Variants in F8 observed in about 807,000 individuals in gnomAD.
F8 encodes the protein coagulation factor VIII, also known as antihemophilic factor.
In F8, 12 loss-of-function variants were observed where a neutral mutation model predicts 140.6. The observed-to-expected ratio is 0.09, with a 90% CI of 0.05 to 0.14. The LOEUF is 0.14. F8 is among the 10% of genes least tolerant of loss of function. The pLI, the probability that F8 is intolerant of heterozygous loss-of-function variation, is 1.00. For missense variants in F8, 1,354 were observed against 1,720.7 expected (o/e 0.79, Z 3.77); for synonymous variants, 585 against 614.6 (o/e 0.95, Z 0.71).
chrX:154,943,158 T>G (rs782266657), intron 13 of F8, among the ~76,000 whole-genome samples: 3 of 111,798 alleles, frequency 2.7e-5, no homozygotes, highest in Non-Finnish European at 5.6e-5. Context: ...GTGTTGGAAG[T>G]TCTGGCCAGG....
intron 1 of F8, 114 bp downstream of exon 1, chrX:155,022,296 T>C: frequency 1.3e-6 from 1 of 793,071 alleles, no homozygotes; most frequent in South Asian, 2.1e-5. Flanking sequence ...AAATGTTTCT[T>C]TGGGGCCCAG....
At chrX:154,981,209 T>G (rs1276809228) in intron 6 of F8, among the ~76,000 whole-genome samples, 1 of 111,164 alleles carries the variant, frequency 9.0e-6, no homozygotes, top group Non-Finnish European at 1.9e-5. Context: ...CCCCTTTATG[T>G]GCAACTATGG....
At chrX:154,940,469 AG>A (rs2073254614) in intron 13 of F8, among the ~76,000 whole-genome samples, 1 of 112,189 alleles carries the variant, frequency 8.9e-6, no homozygotes, top group African/African-American at 3.2e-5. Context: ...TAGAGAAAAA[AG>A]AATAAAAAGA....
chrX:154,968,607 A>C (rs2073437921), intron 7 of F8, among the ~76,000 whole-genome samples: 1 of 112,244 alleles, frequency 8.9e-6, no homozygotes, highest in Non-Finnish European at 1.9e-5. Flanking sequence ...AGTTACAAAT[A>C]AAGTTACATT....
intron 20 of F8, among the ~76,000 whole-genome samples, chrX:154,900,336 C>G (rs1473299139): frequency 9.0e-6 from 1 of 110,728 alleles, no homozygotes; most frequent in Non-Finnish European, 1.9e-5. Flanking sequence ...TGAGTTCAAG[C>G]AATTCTCCTG....
rs1338786320 is a variant in F8, at chrX:154,972,704, TTTC to T, written c.788-3155_788-3153del. 4.7e-3 allele frequency among the ~76,000 whole-genome samples: 405 copies of T among 86,507 alleles called. 7 individuals are homozygous for T. Among genetic ancestry groups the T allele is most frequent in the African/African-American group, 0.015 (292 of 19,079 alleles). 75.1% of individuals were successfully genotyped at this position (86,507 alleles called of 115,157 possible). ...ATTGTTCTTTTCTTTTCTTTCTGTC[TTTC>T]TTTTTTTTTTTTTTTTTTTTTTTTT... On this transcript the variant is annotated intron_variant, in intron 6 of 25. Transcript: ENST00000360256.
intron 13 of F8, among the ~76,000 whole-genome samples, chrX:154,947,021 C>T (rs1266101310): frequency 2.8e-5 from 3 of 107,716 alleles, no homozygotes; most frequent in Non-Finnish European, 5.8e-5. Flanking sequence ...GTCAGGAAAT[C>T]GAGACCATCC....
intron 13 of F8, among the ~76,000 whole-genome samples, chrX:154,944,699 T>C (rs1315432427): frequency 1.8e-5 from 2 of 111,567 alleles, no homozygotes; most frequent in African/African-American, 3.3e-5. Flanking sequence ...TAAATCATGC[T>C]GCTATAGAGA....
At chrX:154,979,048 G>A (rs1393378308) in intron 6 of F8, among the ~76,000 whole-genome samples, 1 of 111,499 alleles carries the variant, frequency 9.0e-6, no homozygotes, top group Non-Finnish European at 1.9e-5. Context: ...GGTCCAGGCA[G>A]GTTGATTTGT....
intron 14 of F8, among the ~76,000 whole-genome samples, chrX:154,913,051 C>A (rs1482981899): frequency 9.0e-6 from 1 of 110,545 alleles, no homozygotes; most frequent in Non-Finnish European, 1.9e-5. Flanking sequence ...ATTGCCCTTG[C>A]CCACAATTCC....
chrX:154,949,774 C>CT (rs76555470), intron 12 of F8, among the ~76,000 whole-genome samples: 15 of 102,977 alleles, frequency 1.5e-4, no homozygotes, highest in African/African-American at 1.4e-4. Flanking sequence ...ATTTCCTCTT[C>CT]TTTTTTTTTT....
intron 15 of F8, among the ~76,000 whole-genome samples, chrX:154,905,607 A>T (rs2073034215): frequency 8.9e-6 from 1 of 111,797 alleles, no homozygotes; most frequent in Non-Finnish European, 1.9e-5. Context: ...CAATGCACCA[A>T]AATAACTTTT....
intron 13 of F8, among the ~76,000 whole-genome samples, chrX:154,939,493 T>A (rs2073244989): frequency 8.9e-6 from 1 of 112,456 alleles, no homozygotes; most frequent in Non-Finnish European, 1.9e-5. Flanking sequence ...TGCTCAGGCT[T>A]GAGTAGGTAA....
chrX:155,013,142 T>C (rs1603437435), intron 1 of F8, among the ~76,000 whole-genome samples: 1 of 63,566 alleles, frequency 1.6e-5, no homozygotes, highest in South Asian at 1.0e-3. Flanking sequence ...CGAGACTCCG[T>C]CTCAAAAAAA....
At chrX:154,986,772 G>T (rs2073560847) in intron 5 of F8, among the ~76,000 whole-genome samples, 1 of 111,331 alleles carries the variant, frequency 9.0e-6, no homozygotes, top group African/African-American at 3.3e-5. Flanking sequence ...GGAGGAGGAG[G>T]AAGAGGCGGA....
rs199739211 is a variant in F8, at chrX:154,875,774, T to G, written c.6430-12547A>C. 5.1e-3 allele frequency among the ~76,000 whole-genome samples: 483 copies of G among 95,614 alleles called. 4 individuals carry two copies. Among genetic ancestry groups the G allele is most frequent in the African/African-American group, 0.017 (424 of 24,625 alleles). The allele number at this position is 95,614 out of a possible 115,157, so 83.0% of individuals were successfully genotyped here. A position where few individuals can be genotyped will look rare whatever the true frequency, so the allele number is the denominator to read the frequency against. ...GTGTGTGTGTGTGTGTGTGTGTGTGTAGAGAGAGAGAGAGTCTATAATGTG... is the reference window on the plus strand; with the variant it reads ...GTGTGTGTGTGTGTGTGTGTGTGTGGAGAGAGAGAGAGAGTCTATAATGTG... On this transcript the variant is annotated intron_variant, in intron 22 of 25. Transcript: ENST00000360256.
rs782606425 is a variant in F8, at chrX:154,982,464, A to AAT, written c.787+2221_787+2222dup. ...CCGTCTCAAAAAAAAAAAAAAAAAA[A>AAT]ATATATATATATATGTATACACACT... On this transcript the variant is annotated intron_variant, in intron 6 of 25. Coordinates refer to ENST00000360256, the MANE Select transcript of F8 (RefSeq NM_000132.4). Among the ~76,000 whole-genome samples, 431 of 83,183 alleles carry AAT rather than the reference A, an allele frequency of 5.2e-3. 10 individuals carry two copies. Among genetic ancestry groups the AAT allele is most frequent in the East Asian group, 0.016 (44 of 2,750 alleles). The allele number at this position is 83,183 out of a possible 115,157, so 72.2% of individuals were successfully genotyped here.
At chrX:154,880,322 CT>C (rs1256540330) in intron 22 of F8, among the ~76,000 whole-genome samples, 3 of 109,324 alleles carry the variant, frequency 2.7e-5, no homozygotes, top group Admixed American at 1.9e-4. Flanking sequence ...ACTGACCTTC[CT>C]TTTTTTTTCA....
At chrX:154,966,768 A>C in intron 7 of F8, 81 bp from the exon 8 acceptor site, 2 of 1,093,597 alleles carry the variant, frequency 1.8e-6, no homozygotes, top group African/African-American at 3.6e-5. Context: ...TAATTTATAA[A>C]GAAAAGAGAT....
Sources: gnomAD v4.1 joint callset for allele counts (sites outside exome capture counted in the v4.1 genomes callset) on GRCh38, gnomAD v4.1.1 for gene constraint, MANE v1.5 for transcripts, NCBI Gene and HGNC (gene_info 2026-07-23, HGNC 2026-07-21) for gene names.